Variants in MSL1 observed in about 807,000 individuals in gnomAD.
The protein encoded by MSL1 is male-specific lethal 1 homolog.
MSL1 carries 21 observed loss-of-function variants against 64.6 expected under a neutral mutation model. The ratio of observed to expected loss-of-function variants is 0.33; its 90% CI spans 0.23 to 0.47. The LOEUF (loss-of-function observed/expected upper bound fraction) is 0.47, where lower values mean the gene tolerates loss of function less well. Among genes scored for constraint, MSL1 ranks in the 20% least tolerant of loss-of-function variants. MSL1 has a pLI of 1.00. For missense variants in MSL1, 664 were observed against 793.2 expected (o/e 0.84, Z 1.96); for synonymous variants, 339 against 329.6 (o/e 1.03, Z -0.31).
chr17:40,129,189 T>A, intron 2 of MSL1, 56 bp from the exon 3 acceptor site: 1 of 1,395,574 alleles, frequency 7.2e-7, no homozygotes, highest in South Asian at 1.5e-5. Flanking sequence ...TGTGTTCAAA[T>A]TAGATTTTAT....
At chr17:40,125,895 AT>A (rs1988303024) in intron 1 of MSL1, among the ~76,000 whole-genome samples, 1 of 152,272 alleles carries the variant, frequency 6.6e-6, no homozygotes, top group Non-Finnish European at 1.5e-5. Flanking sequence ...ATTAAAAGGC[AT>A]GTTACGGCCC....
chr17:40,131,750 G>GT lies in MSL1; in HGVS notation c.1423+171dup. Reference sequence around the variant, plus strand: ...TTCAAAATGACAACAAATTTCAGTTGTTTTTCAGGAACTGCTATAGCATCA... The same window carrying GT: ...TTCAAAATGACAACAAATTTCAGTTGTTTTTTCAGGAACTGCTATAGCATCA... On this transcript the variant is annotated intron_variant, in intron 4 of 8. Transcript: ENST00000398532. This position sits in a 1 kb window ranked among gnomAD's most constrained non-coding sequence, Gnocchi z 4.5. 1.4e-6 allele frequency: 1 copy of GT among 713,458 alleles called. No individual in the cohort carries two copies. The highest frequency in any genetic ancestry group is 2.5e-6 in the Non-Finnish European group (1 of 402,100). The allele number at this position is 713,458 out of a possible 1,614,324, so 44.2% of individuals were successfully genotyped here.
At chr17:40,127,179 C>T (rs2145130230) in intron 2 of MSL1, among the ~76,000 whole-genome samples, 1 of 151,678 alleles carries the variant, frequency 6.6e-6, no homozygotes, top group African/African-American at 2.4e-5. Flanking sequence ...CCAGCCTGGG[C>T]AACATAGTGA....
chr17:40,132,785 G>C lies in MSL1; in HGVS notation c.1489-257G>C, dbSNP rs1480276169. ...TATGACAGTCTGGGGGTTTTAGTTTGATGTGATGTTTACCTTGGAAAGATA... is the reference window on the plus strand; with the variant it reads ...TATGACAGTCTGGGGGTTTTAGTTTCATGTGATGTTTACCTTGGAAAGATA... On this transcript the variant is annotated intron_variant, in intron 5 of 8. Transcript: ENST00000398532. Among the ~76,000 whole-genome samples, 3 of 152,172 alleles carry C rather than the reference G, an allele frequency of 2.0e-5. No individual in the cohort carries two copies. In the East Asian group the frequency reaches 5.8e-4, roughly 29 times the overall value.
At position 40,134,646 on chromosome 17, in the gene MSL1, G is replaced by T; in HGVS notation, c.*277G>T. On this transcript the variant is annotated 3_prime_UTR_variant, in exon 9 of 9. Transcript: ENST00000398532. ...AGGATGGCAGATTCAGAAGTTTCAG[G>T]GGTCTGTTTCTATACATTTGCCTAT... is the stretch of plus-strand genomic sequence containing the variant. 2.3e-6 allele frequency: 1 copy of T among 433,376 alleles called. No homozygotes were observed. The highest frequency in any genetic ancestry group is 4.2e-6 in the Non-Finnish European group (1 of 235,614). The allele number at this position is 433,376 out of a possible 1,614,324, so 26.8% of individuals were successfully genotyped here.
rs374603012 is a variant in MSL1 at position 40,129,524 on chromosome 17, G to A, written c.1272G>A (p.Pro424=). The part of the protein sequence containing the change: ...KAFSSEIEDL[P]YLSTTEMYLC... ...TCTCAAGTGAGATAGAAGATTTGCC[G>A]TACCTTTCCACCACAGAAATGTATT... Residue 424 remains proline, a synonymous_variant, in exon 3 of 9, where the codon CCG becomes CCA. Coordinates refer to ENST00000398532, the MANE Select transcript of MSL1 (RefSeq NM_001365919.1). The A allele has an allele frequency of 2.0e-5, 33 of 1,613,704 alleles. No individual in the cohort carries two copies. The highest frequency in any genetic ancestry group is 6.7e-5 in the African/African-American group (5 of 74,874).
At chr17:40,124,408 C>T (rs1339671149) in intron 1 of MSL1, among the ~76,000 whole-genome samples, 1 of 152,006 alleles carries the variant, frequency 6.6e-6, no homozygotes, top group Non-Finnish European at 1.5e-5. Flanking sequence ...CCGTCCTCAT[C>T]TCTCCCTCTC....
chr17:40,133,992 T>C, intron 8 of MSL1, 93 bp downstream of exon 8: 3 of 1,178,894 alleles, frequency 2.5e-6, no homozygotes, highest in African/African-American at 1.5e-5. Flanking sequence ...ACCAGGTGGC[T>C]TAGGGATAGC....
intron 5 of MSL1, 75 bp downstream of exon 5, chr17:40,132,173 A>ATAGTAC (rs1335762740): frequency 1.9e-6 from 2 of 1,034,502 alleles, no homozygotes; most frequent in Non-Finnish European, 2.9e-6. Flanking sequence ...GGAAAATGTC[A>ATAGTAC]TAGTACTATG....
In MSL1 at chr17:40,135,638, T is replaced by G. The variant is rs564565181; in HGVS notation, c.*1269T>G. Reference sequence around the variant, plus strand: ...AGAGGAGAAGCCAAGGTATGTAGGGTGTGTGGCTGGCCCATCAGTGGAGCA... The same window carrying G: ...AGAGGAGAAGCCAAGGTATGTAGGGGGTGTGGCTGGCCCATCAGTGGAGCA... On this transcript the variant is annotated 3_prime_UTR_variant, in exon 9 of 9. Coordinates refer to ENST00000398532, the MANE Select transcript of MSL1 (RefSeq NM_001365919.1). The G allele has an allele frequency of 3.3e-5, 5 of 152,398 alleles. No homozygotes were observed. The highest frequency in any genetic ancestry group is 6.5e-5 in the Admixed American group (1 of 15,280). 9.4% of individuals were successfully genotyped at this position (152,398 alleles called of 1,614,324 possible). A position where few individuals can be genotyped will look rare whatever the true frequency, so the allele number is the denominator to read the frequency against.
Position 40,133,573 on chromosome 17 carries a change from G to A in MSL1, c.1596G>A (p.Gln532=). The A allele has an allele frequency of 1.2e-6, 2 of 1,612,296 alleles. No homozygotes were observed. Among genetic ancestry groups the A allele is most frequent in the Non-Finnish European group, 1.7e-6 (2 of 1,179,066 alleles). Reference sequence around the variant, plus strand: ...GGATCAGGGAACAAAGAATTTTACAGCGACTGCAGCTCAGAATGTATAAAA... The same window carrying A: ...GGATCAGGGAACAAAGAATTTTACAACGACTGCAGCTCAGAATGTATAAAA... The part of the protein sequence containing the change: ...IQRIREQRIL[Q]RLQLRMYKKK... Residue 532 remains glutamine (Q), a synonymous_variant, in exon 7 of 9, where the codon CAG becomes CAA. Coordinates refer to ENST00000398532, the MANE Select transcript of MSL1 (RefSeq NM_001365919.1).
In MSL1 at chr17:40,123,233, C is replaced by T. The variant is rs192994224; in HGVS notation, c.621C>T (p.Leu207=). The change falls in exon 1 of 9, where the codon CTC becomes CTT. Residue 207 remains leucine, a synonymous_variant. Transcript: ENST00000398532. ...GGAAGAGTATGAGGAAGAGCCCTCTCGGGGGTGGTGGCGGCTCGGGAGCCT... is the reference window on the plus strand; with the variant it reads ...GGAAGAGTATGAGGAAGAGCCCTCTTGGGGGTGGTGGCGGCTCGGGAGCCT... The part of the protein sequence containing the change: ...GRWKSMRKSP[L]GGGGGSGASS... 9.3e-5 allele frequency: 143 copies of T among 1,535,740 alleles called. 1 individual carries two copies. The East Asian group carries it at 2.4e-3, about 26-fold the overall frequency.
intron 1 of MSL1, among the ~76,000 whole-genome samples, chr17:40,125,356 A>ACCC (rs1186358091): frequency 1.3e-5 from 2 of 152,114 alleles, no homozygotes; most frequent in Non-Finnish European, 2.9e-5. Context: ...TTTTAAAAGT[A>ACCC]CCCCCTCCCA....
rs1002695218 is a variant in MSL1 at position 40,135,518 on chromosome 17, G to A, written c.*1149G>A. 6.6e-6 allele frequency: 1 copy of A among 152,304 alleles called. No homozygotes were observed. Among genetic ancestry groups the A allele is most frequent in the Non-Finnish European group, 1.5e-5 (1 of 68,042 alleles). 9.4% of individuals were successfully genotyped at this position (152,304 alleles called of 1,614,324 possible). On this transcript the variant is annotated 3_prime_UTR_variant, in exon 9 of 9. Coordinates refer to ENST00000398532, the MANE Select transcript of MSL1 (RefSeq NM_001365919.1). Reference sequence around the variant, plus strand: ...AGGAATTGCCTTTCTTTAGTCTTCAGGACTATTGTGTGAAAACAAGTAGGG... The same window carrying A: ...AGGAATTGCCTTTCTTTAGTCTTCAAGACTATTGTGTGAAAACAAGTAGGG...
At chr17:40,132,853 T>C (rs1371225125) in intron 5 of MSL1, among the ~76,000 whole-genome samples, 189 bp from the exon 6 acceptor site, 2 of 152,100 alleles carry the variant, frequency 1.3e-5, no homozygotes, top group Non-Finnish European at 2.9e-5. Context: ...AGGATGTGGA[T>C]GGGGAAAGGA....
rs1229998638 is a variant in MSL1, at chr17:40,122,802, G to C, written c.190G>C (p.Gly64Arg). 10 of 1,373,144 alleles carry C rather than the reference G, an allele frequency of 7.3e-6. No individual in the cohort carries two copies. In the South Asian group the frequency reaches 1.5e-4, roughly 21 times the overall value. 85.1% of individuals were successfully genotyped at this position (1,373,144 alleles called of 1,614,324 possible). Residue 64 changes from glycine (G) to arginine (R), a missense_variant, in exon 1 of 9, where the codon GGC becomes CGC. By Grantham distance (125) the Gly-to-Arg change is moderately radical (BLOSUM62 -2). Around this residue, in one of 4 missense-constraint regions of MSL1, gnomAD observed 466 missense variants for 499.0 expected, o/e 0.93. Coordinates refer to ENST00000398532, the MANE Select transcript of MSL1 (RefSeq NM_001365919.1). This position sits in a 1 kb window ranked among gnomAD's most constrained non-coding sequence, Gnocchi z 4.2. Reference sequence around the variant, plus strand: ...GGGGCCCCCGCTGGCCTCCTCCCAGGGCGGGAGCCCCGCGCCTTCCCCGGC... The same window carrying C: ...GGGGCCCCCGCTGGCCTCCTCCCAGCGCGGGAGCCCCGCGCCTTCCCCGGC... Reference protein sequence around the residue: ...EPGPPLASSQGGSPAPSPAGC... With the variant: ...EPGPPLASSQRGSPAPSPAGC...
At position 40,133,054 on chromosome 17, in the gene MSL1, A is replaced by T. The variant is rs1268568869; in HGVS notation, c.1501A>T (p.Ser501Cys). The change falls in exon 6 of 9, where the codon AGT becomes TGT. Residue 501 changes from serine to cysteine, a missense_variant. By Grantham distance (112) the Ser-to-Cys change is moderately radical (BLOSUM62 -1). Transcript: ENST00000398532. ...TTTCTTTACACAGAACCTGGATGAC[A>T]GTGTGTTTTCGAAGCGGCATGCAAA... ...PSDLLENLDD[S>C]VFSKRHAKLE... 1.9e-6 allele frequency: 3 copies of T among 1,611,224 alleles called. No individual in the cohort carries two copies. The highest frequency in any genetic ancestry group is 2.7e-5 in the African/African-American group (2 of 75,036).
intron 2 of MSL1, among the ~76,000 whole-genome samples, chr17:40,127,254 C>T (rs111860630): frequency 0.039 from 5,825 of 150,746 alleles, 375 homozygotes; most frequent in African/African-American, 0.14. Context: ...GTAGTCCCAG[C>T]TACTCAGGAG....
intron 2 of MSL1, chr17:40,126,913 G>A (rs1010412044): frequency 2.6e-5 from 4 of 155,266 alleles, no homozygotes; most frequent in African/African-American, 9.7e-5. Flanking sequence ...AATAATTATT[G>A]AATGCAGCTT....
Sources: gnomAD v4.1 joint callset for allele counts (sites outside exome capture counted in the v4.1 genomes callset) on GRCh38, gnomAD v4.1.1 for gene constraint, gnomAD v4.1.1 regional missense constraint, Gnocchi (gnomAD v3.1) non-coding constraint, MANE v1.5 for transcripts, NCBI Gene and HGNC (gene_info 2026-07-23, HGNC 2026-07-21) for gene names.